The following SPTAN1 variants were observed in gnomAD, a reference collection of about 807,000 sequenced individuals.
SPTAN1 encodes spectrin alpha chain, non-erythrocytic 1.
Under a neutral mutation model 331.3 loss-of-function variants are expected in SPTAN1, and 61 were observed. That is an observed-to-expected ratio of 0.18 (90% CI 0.15 to 0.23). SPTAN1 has a LOEUF of 0.23. SPTAN1 is among the 10% of genes least tolerant of loss of function. SPTAN1 has a pLI of 1.00. For missense variants in SPTAN1, 2,043 were observed against 3,147.9 expected, an observed-to-expected ratio of 0.65 and a Z score of 8.40; for synonymous variants, 1,153 against 1,173.9, an observed-to-expected ratio of 0.98 and a Z score of 0.36.
chr9:128,581,782 G>T lies in SPTAN1; in HGVS notation c.1462G>T (p.Ala488Ser). ...QVDNWMSKQEAFLLNEDLGDS... is the reference protein window; with the variant it reads ...QVDNWMSKQESFLLNEDLGDS... ...TGAACACTTTGTTTCCTTTGGCAAG[G>T]CGTTCCTGTTGAATGAAGACTTGGG... Residue 488 changes from alanine to serine, a missense_variant and splice_region_variant, in exon 12 of 57, where the codon GCG (alanine) becomes TCG (serine). Ala to Ser is a moderately conservative substitution (Grantham distance 99). Transcript: ENST00000372739. The T allele has an allele frequency of 6.2e-7, 1 of 1,611,896 alleles. No homozygotes were observed. Among genetic ancestry groups the T allele is most frequent in the Non-Finnish European group, 8.5e-7 (1 of 1,177,950 alleles).
In SPTAN1 at chr9:128,604,308, T is replaced by C. The variant is rs2131557625; in HGVS notation, c.3628-18T>C. On this transcript the variant is annotated intron_variant, in intron 28 of 56. Transcript: ENST00000372739. ...AGGAGAGGGAGTGCAGTGGAGCTGA[T>C]GTTTTGCTGTCCTGCAGGAGCTGAA... 2.5e-6 allele frequency: 4 copies of C among 1,613,112 alleles called. No homozygotes were observed. Among genetic ancestry groups the C allele is most frequent in the Non-Finnish European group, 3.4e-6 (4 of 1,179,226 alleles).
intron 1 of SPTAN1, among the ~76,000 whole-genome samples, chr9:128,555,672 G>T: frequency 7.3e-6 from 1 of 136,062 alleles, no homozygotes; most frequent in Non-Finnish European, 1.5e-5. Context: ...TTTAAGGCAT[G>T]AATATATTAA....
At chr9:128,597,428 G>A (rs897399083) in intron 24 of SPTAN1, among the ~76,000 whole-genome samples, 1 of 152,134 alleles carries the variant, frequency 6.6e-6, no homozygotes, top group Non-Finnish European at 1.5e-5. Context: ...GAAGATTGAG[G>A]TAGGAGGATT....
chr9:128,607,557 C>T, intron 31 of SPTAN1, 47 bp from the exon 32 acceptor site: 1 of 1,494,134 alleles, frequency 6.7e-7, no homozygotes, highest in Non-Finnish European at 9.3e-7. Context: ...AGAAGATCTC[C>T]TTACCAGGTA....
At chr9:128,617,268 A>G (rs1017341240) in intron 41 of SPTAN1, among the ~76,000 whole-genome samples, 1 of 151,992 alleles carries the variant, frequency 6.6e-6, no homozygotes, top group African/African-American at 2.4e-5. Flanking sequence ...ATATATGTAT[A>G]TATATAAATA....
At position 128,604,371 on chromosome 9, in the gene SPTAN1, C is replaced by T. The variant is rs569997507; in HGVS notation, c.3673C>T (p.Arg1225Trp). Residue 1225 changes from arginine to tryptophan, a missense_variant, in exon 29 of 57, where the codon CGG (arginine) becomes TGG (tryptophan). This residue lies in a region of SPTAN1 where 1,038 missense variants were observed against 1,531.5 expected (regional missense o/e 0.68). Transcript: ENST00000372739. ...GTCCCTACAGCAGCTGGCCGAGGAA[C>T]GGAGCCAGCTCTTGGGCAGCGCCCA... ...WRSLQQLAEE[R>W]SQLLGSAHEV... The T allele has an allele frequency of 3.3e-5, 54 of 1,614,004 alleles. No homozygotes were observed. Among genetic ancestry groups the T allele is most frequent in the Admixed American group, 5.0e-5 (3 of 60,014 alleles).
At chr9:128,569,895 A>G (rs1359938579) in intron 3 of SPTAN1, among the ~76,000 whole-genome samples, 3 of 152,166 alleles carry the variant, frequency 2.0e-5, no homozygotes, top group Non-Finnish European at 2.9e-5. Flanking sequence ...AGGACTTACA[A>G]TTAGCCCTAA....
At position 128,605,482 on chromosome 9, in the gene SPTAN1, G is replaced by A. The variant is rs541570752; in HGVS notation, c.4046+5G>A. On this transcript the variant is annotated splice_donor_5th_base_variant and intron_variant, in intron 31 of 56. Coordinates refer to ENST00000372739, the MANE Select transcript of SPTAN1 (RefSeq NM_001130438.3). ...GCGCTTCCTTAGCGATTTCCGGTAC[G>A]GAGCCATGTTCACTCAGACTTCTGG... 370 of 1,614,026 alleles carry A rather than the reference G, an allele frequency of 2.3e-4. 4 individuals carry two copies. The South Asian group carries it at 3.6e-3, about 16-fold the overall frequency.
At chr9:128,614,254 A>C (rs1258859037) in intron 40 of SPTAN1, among the ~76,000 whole-genome samples, 1 of 152,086 alleles carries the variant, frequency 6.6e-6, no homozygotes, top group Non-Finnish European at 1.5e-5. Flanking sequence ...CAGGAGTTCA[A>C]GACCAGCCTG....
intron 41 of SPTAN1, among the ~76,000 whole-genome samples, chr9:128,617,232 C>CT (rs1290925742): frequency 5.4e-5 from 8 of 148,670 alleles, no homozygotes; most frequent in African/African-American, 1.7e-4. Context: ...GAATGAGACT[C>CT]TGTCTCAAAA....
intron 39 of SPTAN1, 114 bp downstream of exon 39, chr9:128,612,360 G>T: frequency 1.5e-6 from 2 of 1,327,730 alleles, no homozygotes; most frequent in South Asian, 2.4e-5. Context: ...CACCCCTTTT[G>T]ACAGAAACCC....
chr9:128,575,345 G>A lies in SPTAN1; in HGVS notation c.651G>A (p.Gln217=). 3 of 1,610,898 alleles carry A rather than the reference G, an allele frequency of 1.9e-6. No homozygotes were observed. Among genetic ancestry groups the A allele is most frequent in the Non-Finnish European group, 1.7e-6 (2 of 1,179,986 alleles). ...EVNQFAAKLI[Q]EQHPEEELIK... ...ACCAGTTTGCTGCCAAACTCATACA[G>A]GTAAATAGCAAAGTGCTGTATGCTT... Residue 217 remains glutamine, a splice_region_variant and synonymous_variant, in exon 5 of 57, where the codon CAG becomes CAA. Coordinates refer to ENST00000372739, the MANE Select transcript of SPTAN1 (RefSeq NM_001130438.3).
intron 40 of SPTAN1, among the ~76,000 whole-genome samples, chr9:128,614,537 C>T (rs1183284667): frequency 1.3e-5 from 2 of 151,714 alleles, no homozygotes; most frequent in African/African-American, 4.8e-5. Flanking sequence ...TTGCAGTGAG[C>T]CGAGATTGTG....
intron 3 of SPTAN1, 77 bp downstream of exon 3, chr9:128,568,974 G>C (rs542788794): frequency 6.3e-7 from 1 of 1,599,470 alleles, no homozygotes; most frequent in Admixed American, 1.7e-5. Context: ...ATGTCAGTTT[G>C]GGTTCCCAAA....
rs1858988574 is a variant in SPTAN1, at chr9:128,627,760, C to T, written c.6690-165C>T. 8 of 962,378 alleles carry T rather than the reference C, an allele frequency of 8.3e-6. No individual in the cohort carries two copies. 59.6% of individuals were successfully genotyped at this position (962,378 alleles called of 1,614,324 possible). ...GGGACCATGCAGGGCGCGTGGTCAG[C>T]CCCAGCCATGACTTGGTGACAGACG... On this transcript the variant is annotated intron_variant, in intron 50 of 56. Coordinates refer to ENST00000372739, the MANE Select transcript of SPTAN1 (RefSeq NM_001130438.3). This position sits in a 1 kb window ranked among gnomAD's most constrained non-coding sequence, Gnocchi z 4.9.
Position 128,562,760 on chromosome 9 carries a change from C to T in SPTAN1, c.-3-3978C>T, listed in dbSNP as rs923877505. Among the ~76,000 whole-genome samples the T allele has an allele frequency of 4.7e-4, 72 of 151,674 alleles. 1 individual carries two copies. Among genetic ancestry groups the T allele is most frequent in the Non-Finnish European group, 1.6e-4 (11 of 67,964 alleles). ...TGGGCGGATCACGAGGTCAGGAGAT[C>T]GAGACCATCCTGGCTAGCACGGTGA... is the stretch of plus-strand genomic sequence containing the variant. On this transcript the variant is annotated intron_variant, in intron 1 of 56. Coordinates refer to ENST00000372739, the MANE Select transcript of SPTAN1 (RefSeq NM_001130438.3).
At chr9:128,557,617 T>G (rs1401780239) in intron 1 of SPTAN1, among the ~76,000 whole-genome samples, 19 of 151,180 alleles carry the variant, frequency 1.3e-4, no homozygotes, top group Admixed American at 1.3e-3. Context: ...GGAATGAAAA[T>G]TCCCCAAATA....
At chr9:128,587,545 G>A (rs1322419599) in intron 19 of SPTAN1, 61 bp from the exon 20 acceptor site, 6 of 1,391,540 alleles carry the variant, frequency 4.3e-6, no homozygotes, top group South Asian at 1.2e-5. Context: ...GGTTGGCGAG[G>A]CAGTGGAGGA....
intron 18 of SPTAN1, among the ~76,000 whole-genome samples, chr9:128,585,527 T>G (rs961451556): frequency 6.6e-6 from 1 of 152,136 alleles, no homozygotes; most frequent in Non-Finnish European, 1.5e-5. Flanking sequence ...ATCTGCTTCT[T>G]AGAGTCTAGA....
Sources: gnomAD v4.1 joint callset for allele counts (sites outside exome capture counted in the v4.1 genomes callset) on GRCh38, gnomAD v4.1.1 for gene constraint, gnomAD v4.1.1 regional missense constraint, Gnocchi (gnomAD v3.1) non-coding constraint, MANE v1.5 for transcripts, NCBI Gene and HGNC (gene_info 2026-07-23, HGNC 2026-07-21) for gene names.